The following C1GALT1 variants were observed in gnomAD, a reference collection of about 807,000 sequenced individuals.
C1GALT1 encodes core 1 synthase, glycoprotein-N-acetylgalactosamine 3-beta-galactosyltransferase 1, also known as glycoprotein-N-acetylgalactosamine 3-beta-galactosyltransferase 1.
Under a neutral mutation model 31.0 loss-of-function variants are expected in C1GALT1, and 11 were observed. That is an observed-to-expected ratio of 0.36 (90% confidence interval 0.22 to 0.59). The LOEUF (loss-of-function observed/expected upper bound fraction) is 0.59. Among genes scored for constraint, C1GALT1 ranks in the 20% least tolerant of loss-of-function variants. The pLI is 0.79. For synonymous variants in C1GALT1, 175 were observed against 143.6 expected, an observed-to-expected ratio of 1.22 and a Z score of -1.56; for missense variants, 424 against 425.2, an observed-to-expected ratio of 1.00 and a Z score of 0.03.
chr7:7,225,763 C>T (rs17165282), intron 1 of C1GALT1, among the ~76,000 whole-genome samples: 4 of 152,094 alleles, frequency 2.6e-5, no homozygotes, highest in Admixed American at 2.0e-4. Context: ...TCTTAGAGCC[C>T]GTGGACTTTT....
chr7:7,195,368 G>T (rs1358909983), intron 1 of C1GALT1, among the ~76,000 whole-genome samples: 2 of 152,124 alleles, frequency 1.3e-5, no homozygotes, highest in Non-Finnish European at 2.9e-5. Flanking sequence ...TTGATAGGTT[G>T]TGTCACTTTT....
At chr7:7,179,670 A>T (rs1443260437), upstream of C1GALT1, among the ~76,000 whole-genome samples, 1 of 152,148 alleles carries the variant, frequency 6.6e-6, no homozygotes, top group East Asian at 1.9e-4. Flanking sequence ...TATAGAAGGG[A>T]TATAATCTTC....
intron 1 of C1GALT1, among the ~76,000 whole-genome samples, chr7:7,206,227 G>A (rs932785938): frequency 4.3e-5 from 6 of 139,726 alleles, no homozygotes; most frequent in African/African-American, 1.3e-4. Context: ...GTAAAAAAAT[G>A]TGGAGTTCCA....
chr7:7,200,485 C>T (rs187607888), intron 1 of C1GALT1, among the ~76,000 whole-genome samples: 119 of 151,786 alleles, frequency 7.8e-4, no homozygotes, highest in African/African-American at 2.7e-3. Context: ...TGGGGTTGCT[C>T]TTCTCGAAGA....
At chr7:7,233,211 T>C (rs1054204705) in intron 1 of C1GALT1, among the ~76,000 whole-genome samples, 1 of 152,184 alleles carries the variant, frequency 6.6e-6, no homozygotes, top group African/African-American at 2.4e-5. Context: ...CTCGTTAATA[T>C]TATAGATTCC....
chr7:7,190,972 T>A lies in C1GALT1; in HGVS notation c.-18+8152T>A, dbSNP rs543925536. 4.0e-3 allele frequency among the ~76,000 whole-genome samples: 614 copies of A among 152,248 alleles called. 2 individuals are homozygous for A. The highest frequency in any genetic ancestry group is 0.017 in the Middle Eastern group (5 of 294). ...GATACCTTTTTTTTTCCAAACTTTTTAAAATTTTGGTAAAATACATACAAA... is the reference window on the plus strand; with the variant it reads ...GATACCTTTTTTTTTCCAAACTTTTAAAAATTTTGGTAAAATACATACAAA... On this transcript the variant is annotated intron_variant, in intron 1 of 3. Transcript: ENST00000436587.
At chr7:7,225,544 T>G (rs908446375) in intron 1 of C1GALT1, among the ~76,000 whole-genome samples, 3 of 152,214 alleles carry the variant, frequency 2.0e-5, no homozygotes, top group Non-Finnish European at 4.4e-5. Flanking sequence ...CAAGTAAAAT[T>G]CTACTTAATA....
At chr7:7,180,213 T>A (rs1378566861), upstream of C1GALT1, among the ~76,000 whole-genome samples, 1 of 152,246 alleles carries the variant, frequency 6.6e-6, no homozygotes, top group East Asian at 1.9e-4. Flanking sequence ...AATGGGAGAA[T>A]CTGGTCAGTT....
rs150640053 is a variant in C1GALT1 at position 7,229,167 on chromosome 7, C to A, written c.-17-5136C>A. 1.0e-3 allele frequency among the ~76,000 whole-genome samples: 152 copies of A among 152,272 alleles called. 1 individual carries two copies. Among genetic ancestry groups the A allele is most frequent in the African/African-American group, 3.5e-3 (144 of 41,542 alleles). On this transcript the variant is annotated intron_variant, in intron 1 of 3. Coordinates refer to ENST00000436587, the MANE Select transcript of C1GALT1 (RefSeq NM_020156.5). ...GTGACTACTGCTTTCTTCTCCAGTG[C>A]CAGGAGCGGTAGACTCTGCAGCAGT... is the stretch of plus-strand genomic sequence containing the variant.
intron 2 of C1GALT1, among the ~76,000 whole-genome samples, chr7:7,160,321 C>A (rs556040468): frequency 6.6e-6 from 1 of 152,092 alleles, no homozygotes; most frequent in Non-Finnish European, 1.5e-5. Context: ...CTTGAACCTC[C>A]ACCTTCTACC....
At chr7:7,223,438 C>T (rs1782605426) in intron 1 of C1GALT1, among the ~76,000 whole-genome samples, 1 of 152,230 alleles carries the variant, frequency 6.6e-6, no homozygotes, top group Admixed American at 6.5e-5. Flanking sequence ...GCTAGGATTA[C>T]AGGTGTGAAC....
At chr7:7,177,911 G>A (rs1780522044), upstream of C1GALT1, 1 of 172,552 alleles carries the variant, frequency 5.8e-6, no homozygotes, top group East Asian at 1.3e-4. Flanking sequence ...AGTGGATAGG[G>A]AAATTGAGAT....
chr7:7,216,813 C>G (rs958633932), intron 1 of C1GALT1, among the ~76,000 whole-genome samples: 4 of 152,170 alleles, frequency 2.6e-5, no homozygotes, highest in Middle Eastern at 3.2e-3. Flanking sequence ...AACTTCCGTT[C>G]TCAGAAGAGT....
intron 2 of C1GALT1, among the ~76,000 whole-genome samples, chr7:7,177,397 G>T (rs1453525955): frequency 6.6e-6 from 1 of 152,004 alleles, no homozygotes; most frequent in Non-Finnish European, 1.5e-5. Context: ...CTTGCTATTG[G>T]GTGCAATTTT....
At chr7:7,209,809 C>T (rs1031090831) in intron 1 of C1GALT1, among the ~76,000 whole-genome samples, 13 of 152,112 alleles carry the variant, frequency 8.5e-5, no homozygotes, top group Middle Eastern at 3.2e-3. Context: ...TGGGTGCAGG[C>T]GGGCTGAGTG....
At chr7:7,229,256 C>A (rs188937798) in intron 1 of C1GALT1, among the ~76,000 whole-genome samples, 18 of 152,222 alleles carry the variant, frequency 1.2e-4, no homozygotes, top group Non-Finnish European at 1.8e-4. Context: ...AAGGCAAAAT[C>A]ACAGCTAGGA....
chr7:7,216,978 GAC>G (rs34191665), intron 1 of C1GALT1, among the ~76,000 whole-genome samples: 80,858 of 151,502 alleles, frequency 0.53, 22,914 homozygotes, highest in East Asian at 0.94. Flanking sequence ...CTGCACATTA[GAC>G]ACACACACAC....
intron 1 of C1GALT1, among the ~76,000 whole-genome samples, chr7:7,213,922 C>T (rs1782118989): frequency 6.6e-6 from 1 of 152,168 alleles, no homozygotes; most frequent in Admixed American, 6.5e-5. Flanking sequence ...TTCTACCATG[C>T]ATTTCATTGC....
In C1GALT1 at chr7:7,210,267, A is replaced by T. The variant is rs143628208; in HGVS notation, c.-17-24036A>T. 2.4e-4 allele frequency among the ~76,000 whole-genome samples: 36 copies of T among 152,280 alleles called. No homozygotes were observed. In the East Asian group the frequency reaches 7.0e-3, roughly 29 times the overall value. ...GGACTATTTTAAAGGGTATAATTTC[A>T]ACTGGAGACTTGGGGAGCTTGATTT... is the stretch of plus-strand genomic sequence containing the variant. On this transcript the variant is annotated intron_variant, in intron 1 of 3. Transcript: ENST00000436587.
Sources: gnomAD v4.1 joint callset for allele counts (sites outside exome capture counted in the v4.1 genomes callset) on GRCh38, gnomAD v4.1.1 for gene constraint, MANE v1.5 for transcripts, NCBI Gene and HGNC (gene_info 2026-07-23, HGNC 2026-07-21) for gene names.